KCNAB1: variants seen among roughly 807,000 people sequenced by gnomAD.
KCNAB1 encodes potassium voltage-gated channel subfamily A regulatory beta subunit 1, also known as voltage-gated potassium channel subunit beta-1.
In KCNAB1, 35 loss-of-function variants were observed where a neutral mutation model predicts 64.6. The observed-to-expected ratio is 0.54, with a 90% CI of 0.41 to 0.72. The LOEUF (loss-of-function observed/expected upper bound fraction) is 0.72, where lower values mean the gene tolerates loss of function less well. KCNAB1 is among the 30% of genes least tolerant of loss of function. KCNAB1 has a pLI of 0.00. For missense variants in KCNAB1, 401 were observed against 512.9 expected, an observed-to-expected ratio of 0.78 and a Z score of 2.11; for synonymous variants, 177 against 183.8, an observed-to-expected ratio of 0.96 and a Z score of 0.30.
intron 1 of KCNAB1, among the ~76,000 whole-genome samples, chr3:156,252,674 T>A (rs977641951): frequency 1.3e-5 from 2 of 152,174 alleles, no homozygotes; most frequent in Non-Finnish European, 2.9e-5. Flanking sequence ...ATACCCACAG[T>A]GATAAGGTGA....
chr3:156,397,277 A>G (rs1463347264), intron 1 of KCNAB1, among the ~76,000 whole-genome samples: 1 of 152,182 alleles, frequency 6.6e-6, no homozygotes, highest in East Asian at 1.9e-4. Flanking sequence ...AGCAACTTAC[A>G]TGTGTTGCTT....
Position 156,443,777 on chromosome 3 carries a change from CACACTAT to C in KCNAB1, c.320-9121_320-9115del, listed in dbSNP as rs1717191291. Among the ~76,000 whole-genome samples, 2 of 144,312 alleles carry C rather than the reference CACACTAT, an allele frequency of 1.4e-5. 1 individual carries two copies. The highest frequency in any genetic ancestry group is 4.4e-4 in the South Asian group (2 of 4,528). The allele number at this position is 144,312 out of a possible 152,430, so 94.7% of individuals were successfully genotyped here. ...ACACACACACACACACACACACACA[CACACTAT>C]TCTTTACTTGTAAATGGAGATGCTG... On this transcript the variant is annotated intron_variant, in intron 2 of 13. Coordinates refer to ENST00000490337, the MANE Select transcript of KCNAB1 (RefSeq NM_172160.3).
At chr3:156,352,636 A>G (rs756670515) in intron 1 of KCNAB1, among the ~76,000 whole-genome samples, 1 of 151,990 alleles carries the variant, frequency 6.6e-6, no homozygotes, top group Non-Finnish European at 1.5e-5. Flanking sequence ...ATCTTTACCA[A>G]AGTCTCCCTG....
rs952634275 is a variant in KCNAB1, at chr3:156,537,954, ATAT to A, written c.*1211_*1213del. ...AGAAAGAACTTCTGGTTCTATAATC[ATAT>A]TATATGCACTAAACTATATGCATGA... On this transcript the variant is annotated 3_prime_UTR_variant, in exon 14 of 14. Transcript: ENST00000490337. 1 of 152,178 alleles carries A rather than the reference ATAT, an allele frequency of 6.6e-6. No homozygotes were observed. Among genetic ancestry groups the A allele is most frequent in the African/African-American group, 2.4e-5 (1 of 41,432 alleles). 9.4% of individuals were successfully genotyped at this position (152,178 alleles called of 1,614,324 possible).
chr3:156,192,846 C>T (rs2108363350), intron 1 of KCNAB1, among the ~76,000 whole-genome samples: 1 of 151,982 alleles, frequency 6.6e-6, no homozygotes, highest in East Asian at 1.9e-4. Context: ...AAATATTTTT[C>T]AATCCTTTTA....
chr3:156,179,018 A>C (rs2108341585), intron 1 of KCNAB1, among the ~76,000 whole-genome samples: 1 of 119,464 alleles, frequency 8.4e-6, no homozygotes, highest in East Asian at 3.3e-4. Flanking sequence ...AAAAAAAAAA[A>C]AAAAAAAAAT....
chr3:156,247,234 G>A (rs1260038363), intron 1 of KCNAB1, among the ~76,000 whole-genome samples: 2 of 152,132 alleles, frequency 1.3e-5, no homozygotes, highest in Non-Finnish European at 2.9e-5. Context: ...TTCATATGGT[G>A]GTTGCAGGGG....
At chr3:156,278,965 AT>A (rs1030004311) in intron 1 of KCNAB1, among the ~76,000 whole-genome samples, 23 of 151,732 alleles carry the variant, frequency 1.5e-4, no homozygotes, top group African/African-American at 5.6e-4. Flanking sequence ...ATTTTTATTT[AT>A]TTTTTATTTT....
chr3:156,271,223 T>G (rs966665286), intron 1 of KCNAB1, among the ~76,000 whole-genome samples: 27 of 152,298 alleles, frequency 1.8e-4, no homozygotes, highest in African/African-American at 6.3e-4. Flanking sequence ...AGTATTGATA[T>G]CTCTCTCTAG....
intron 1 of KCNAB1, chr3:156,143,569 G>GTTTTTT (rs56216211): frequency 3.3e-4 from 97 of 296,996 alleles, no homozygotes; most frequent in African/African-American, 1.5e-3. Context: ...TTGCATTCTT[G>GTTTTTT]TTTTTTTTTT....
At chr3:156,174,669 A>G (rs1054310895) in intron 1 of KCNAB1, among the ~76,000 whole-genome samples, 7 of 152,084 alleles carry the variant, frequency 4.6e-5, no homozygotes, top group Non-Finnish European at 7.4e-5. Context: ...CCCATACATC[A>G]GTGTGCCCGA....
intron 1 of KCNAB1, among the ~76,000 whole-genome samples, chr3:156,355,835 G>A (rs1395245110): frequency 6.6e-6 from 1 of 152,134 alleles, no homozygotes; most frequent in Non-Finnish European, 1.5e-5. Flanking sequence ...GTGACCCGAG[G>A]GCTGGCCATG....
chr3:156,291,089 T>G (rs1449503846), intron 1 of KCNAB1: 1 of 985,404 alleles, frequency 1.0e-6, no homozygotes. Flanking sequence ...GCAGAGCCCC[T>G]TTTTATGGAG....
At chr3:156,284,548 G>A (rs548020835) in intron 1 of KCNAB1, among the ~76,000 whole-genome samples, 2 of 152,298 alleles carry the variant, frequency 1.3e-5, no homozygotes, top group South Asian at 2.1e-4. Context: ...GGGCAATGGC[G>A]GGCTCCCCTC....
intron 1 of KCNAB1, among the ~76,000 whole-genome samples, chr3:156,269,854 C>T (rs550170229): frequency 1.2e-4 from 18 of 149,790 alleles, no homozygotes; most frequent in African/African-American, 4.4e-4. Flanking sequence ...TATTTTCAGT[C>T]TATGTATGTC....
At chr3:156,248,609 A>G (rs1442371973) in intron 1 of KCNAB1, among the ~76,000 whole-genome samples, 5 of 151,988 alleles carry the variant, frequency 3.3e-5, no homozygotes, top group African/African-American at 1.2e-4. Flanking sequence ...GAGAAGAGAG[A>G]TAATACCTAA....
At chr3:156,158,269 G>A (rs1715876050) in intron 1 of KCNAB1, among the ~76,000 whole-genome samples, 1 of 151,462 alleles carries the variant, frequency 6.6e-6, no homozygotes, top group Admixed American at 6.6e-5. Flanking sequence ...AATTCTATTA[G>A]ATTTTAAGAA....
chr3:156,197,489 G>C (rs113526763), intron 1 of KCNAB1, among the ~76,000 whole-genome samples: 2 of 152,220 alleles, frequency 1.3e-5, no homozygotes, highest in African/African-American at 4.8e-5. Flanking sequence ...TTCAGAACTT[G>C]TTATTGGTCT....
intron 1 of KCNAB1, among the ~76,000 whole-genome samples, chr3:156,142,008 T>C (rs1714731693): frequency 6.6e-6 from 1 of 152,220 alleles, no homozygotes; most frequent in Non-Finnish European, 1.5e-5. Context: ...CCCTAATGGC[T>C]AATGATCTTT....
Sources: gnomAD v4.1 joint callset for allele counts (sites outside exome capture counted in the v4.1 genomes callset) on GRCh38, gnomAD v4.1.1 for gene constraint, MANE v1.5 for transcripts, NCBI Gene and HGNC (gene_info 2026-07-23, HGNC 2026-07-21) for gene names.